The following KMT2C variants were observed in gnomAD, a reference collection of about 807,000 sequenced individuals.
KMT2C encodes the protein lysine methyltransferase 2C.
Under a neutral mutation model 507.9 loss-of-function variants are expected in KMT2C, and 88 were observed. The ratio of observed to expected loss-of-function variants is 0.17; its 90% confidence interval spans 0.15 to 0.21. The LOEUF (loss-of-function observed/expected upper bound fraction) is 0.21. KMT2C is among the 10% of genes least tolerant of loss of function. KMT2C has a pLI of 1.00. For synonymous variants in KMT2C, 2,049 were observed against 2,080.8 expected (o/e 0.98, Z 0.42); for missense variants, 4,954 against 5,957.8 (o/e 0.83, Z 5.55).
chr7:152,272,383 G>T (rs1311370261), intron 7 of KMT2C, among the ~76,000 whole-genome samples: 1 of 152,090 alleles, frequency 6.6e-6, no homozygotes, highest in Admixed American at 6.5e-5. Context: ...GTTTGCTGAG[G>T]TCTAAAGCAT....
chr7:152,213,624 T>C (rs971744356), intron 23 of KMT2C, among the ~76,000 whole-genome samples: 3 of 151,998 alleles, frequency 2.0e-5, no homozygotes, highest in East Asian at 1.9e-4. Context: ...GAAGGAAATA[T>C]AGGAGAAAAA....
In KMT2C at chr7:152,138,778, A is replaced by T. The variant is rs2090177800; in HGVS notation, c.14643+18T>A. 6.8e-7 allele frequency: 1 copy of T among 1,461,668 alleles called. No homozygotes were observed. Among genetic ancestry groups the T allele is most frequent in the Non-Finnish European group, 9.4e-7 (1 of 1,058,584 alleles). The allele number at this position is 1,461,668 out of a possible 1,614,324, so 90.5% of individuals were successfully genotyped here. A position where few individuals can be genotyped will look rare whatever the true frequency, so the allele number is the denominator to read the frequency against. The stretch of plus-strand genomic sequence containing the variant: ...AGGATCTGAACAACATGGCAGATGC[A>T]ATCTCTCACACTCTTACCTCTTCTC... On this transcript the variant is annotated intron_variant, in intron 58 of 58. Transcript: ENST00000262189. This position sits in a 1 kb window ranked among gnomAD's most constrained non-coding sequence, Gnocchi z 4.2.
chr7:152,139,609 G>A, intron 56 of KMT2C, 66 bp downstream of exon 56: 1 of 1,090,190 alleles, frequency 9.2e-7, no homozygotes, highest in Non-Finnish European at 1.4e-6. Context: ...CAGGGTGTCT[G>A]GCTGGCACGG....
chr7:152,231,740 C>T (rs1198801407), intron 16 of KMT2C, among the ~76,000 whole-genome samples: 2 of 151,942 alleles, frequency 1.3e-5, no homozygotes, highest in Non-Finnish European at 2.9e-5. Context: ...AAGATTACGC[C>T]ACTGCACTCC....
Position 152,252,655 on chromosome 7 carries a change from G to A in KMT2C, c.1360C>T (p.Leu454=), listed in dbSNP as rs2095579962. The part of the protein sequence containing the change: ...RSSSQWHHNC[L]ICDNCYQQQD... Reference sequence around the variant, plus strand: ...TGTTGGTAACAATTGTCACATATCAGGCAATTGTGGTGCCACTGAGAACTA... The same window carrying A: ...TGTTGGTAACAATTGTCACATATCAAGCAATTGTGGTGCCACTGAGAACTA... Residue 454 remains leucine, a synonymous_variant, in exon 10 of 59, where the codon CTG becomes TTG. Transcript: ENST00000262189. The A allele has an allele frequency of 6.2e-7, 1 of 1,613,410 alleles. No individual in the cohort carries two copies. The highest frequency in any genetic ancestry group is 8.5e-7 in the Non-Finnish European group (1 of 1,179,508).
intron 39 of KMT2C, among the ~76,000 whole-genome samples, chr7:152,173,197 T>C (rs2093042695): frequency 6.6e-6 from 1 of 152,200 alleles, no homozygotes; most frequent in Non-Finnish European, 1.5e-5. Context: ...TTGAAAAGAA[T>C]TATACCCTTA....
chr7:152,287,075 T>A (rs1334754939), intron 6 of KMT2C, among the ~76,000 whole-genome samples: 1 of 152,128 alleles, frequency 6.6e-6, no homozygotes, highest in African/African-American at 2.4e-5. Flanking sequence ...GCAGGCCAAC[T>A]GGGACACAGG....
chr7:152,305,223 C>G (rs570592368), intron 6 of KMT2C, among the ~76,000 whole-genome samples: 1 of 152,024 alleles, frequency 6.6e-6, no homozygotes, highest in Non-Finnish European at 1.5e-5. Context: ...AAGATTATTA[C>G]GTGAATATAC....
At chr7:152,358,996 A>G (rs2097174285) in intron 1 of KMT2C, among the ~76,000 whole-genome samples, 1 of 152,162 alleles carries the variant, frequency 6.6e-6, no homozygotes, top group Non-Finnish European at 1.5e-5. Context: ...TGTCTACAGT[A>G]GTGGCTTTTA....
chr7:152,367,875 G>A lies in KMT2C; in HGVS notation c.162-9200C>T, dbSNP rs193292476. The A allele has an allele frequency of 5.7e-4, 607 of 1,067,298 alleles. 5 individuals are homozygous for A. The African/African-American group carries it at 8.3e-3, about 15-fold the overall frequency. 66.1% of individuals were successfully genotyped at this position (1,067,298 alleles called of 1,614,324 possible). A position where few individuals can be genotyped will look rare whatever the true frequency, so the allele number is the denominator to read the frequency against. On this transcript the variant is annotated intron_variant, in intron 1 of 58. Coordinates refer to ENST00000262189, the MANE Select transcript of KMT2C (RefSeq NM_170606.3). The stretch of plus-strand genomic sequence containing the variant: ...TTCAGGACATGAACTTAAACCATTG[G>A]ATATTGAGTTTATGAAGCGTTCGCA...
At chr7:152,329,801 C>A (rs900683481) in intron 3 of KMT2C, among the ~76,000 whole-genome samples, 2 of 151,874 alleles carry the variant, frequency 1.3e-5, no homozygotes, top group African/African-American at 4.8e-5. Flanking sequence ...TTATTCATGT[C>A]TTTCAAATAA....
chr7:152,252,366 C>A (rs1204597944), intron 10 of KMT2C, among the ~76,000 whole-genome samples, 180 bp downstream of exon 10: 1 of 152,032 alleles, frequency 6.6e-6, no homozygotes, highest in East Asian at 1.9e-4. Context: ...TATCTTTTGC[C>A]CATTTACTTC....
intron 33 of KMT2C, 101 bp from the exon 34 acceptor site, chr7:152,185,732 G>A (rs1449929113): frequency 5.6e-6 from 5 of 885,292 alleles, no homozygotes; most frequent in Non-Finnish European, 9.4e-6. Flanking sequence ...TCTTATTCAG[G>A]CCGTATTCTC....
intron 2 of KMT2C, among the ~76,000 whole-genome samples, chr7:152,340,754 C>T (rs951822751): frequency 3.3e-5 from 5 of 152,084 alleles, no homozygotes; most frequent in Non-Finnish European, 5.9e-5. Flanking sequence ...TAAATTTCTA[C>T]AAATATACAT....
At chr7:152,249,366 C>G (rs2095526010) in intron 13 of KMT2C, among the ~76,000 whole-genome samples, 3 of 141,744 alleles carry the variant, frequency 2.1e-5, no homozygotes, top group Non-Finnish European at 4.5e-5. Context: ...CTCTGTGACC[C>G]AAGCTGGAGT....
intron 1 of KMT2C, among the ~76,000 whole-genome samples, chr7:152,399,674 G>A (rs1205881539): frequency 3.3e-5 from 5 of 151,788 alleles, no homozygotes; most frequent in Non-Finnish European, 7.4e-5. Flanking sequence ...CAATATAAAT[G>A]AGACTAAGAT....
intron 3 of KMT2C, among the ~76,000 whole-genome samples, chr7:152,325,198 C>CAA (rs2096815805): frequency 6.6e-6 from 1 of 151,900 alleles, no homozygotes; most frequent in African/African-American, 2.4e-5. Flanking sequence ...GTCGCCCAGG[C>CAA]TGGAGTGCAA....
intron 1 of KMT2C, among the ~76,000 whole-genome samples, chr7:152,415,445 A>G (rs1000580720): frequency 1.3e-5 from 2 of 152,194 alleles, no homozygotes; most frequent in African/African-American, 4.8e-5. Flanking sequence ...AATTACCTAT[A>G]CAATGAAATG....
At position 152,257,305 on chromosome 7, in the gene KMT2C, A is replaced by G. The variant is rs114456867; in HGVS notation, c.1300-4590T>C. Among the ~76,000 whole-genome samples the G allele has an allele frequency of 9.4e-3, 1,432 of 152,318 alleles. 21 individuals carry two copies. Among genetic ancestry groups the G allele is most frequent in the African/African-American group, 0.033 (1,383 of 41,576 alleles). ...TACCTTCACTGAAAATAAGAGCAAT[A>G]TATCTTCTTATTCTTAGACGAAAAA... is the stretch of plus-strand genomic sequence containing the variant. On this transcript the variant is annotated intron_variant, in intron 9 of 58. Coordinates refer to ENST00000262189, the MANE Select transcript of KMT2C (RefSeq NM_170606.3).
Sources: allele counts gnomAD v4.1 joint callset (sites outside exome capture counted in the v4.1 genomes callset), GRCh38; gene constraint gnomAD v4.1.1; non-coding constraint Gnocchi (gnomAD v3.1); transcripts MANE v1.5; gene names NCBI Gene and HGNC (gene_info 2026-07-23, HGNC 2026-07-21).